The following DENND4C variants were observed in gnomAD, a reference collection of about 807,000 sequenced individuals.
DENND4C encodes the protein DENN domain-containing protein 4C.
In DENND4C, 108 loss-of-function variants were observed where a neutral mutation model predicts 203.0. That is an observed-to-expected ratio of 0.53 (90% CI 0.46 to 0.62). The LOEUF (loss-of-function observed/expected upper bound fraction) is 0.62. DENND4C is among the 20% of genes least tolerant of loss of function. The pLI is 0.00. For synonymous variants in DENND4C, 871 were observed against 792.4 expected, an observed-to-expected ratio of 1.10 and a Z score of -1.67; for missense variants, 2,481 against 2,301.2, an observed-to-expected ratio of 1.08 and a Z score of -1.60.
intron 31 of DENND4C, among the ~76,000 whole-genome samples, chr9:19,370,455 A>AG (rs1491155663): frequency 6.9e-6 from 1 of 144,494 alleles, no homozygotes; most frequent in African/African-American, 2.5e-5. Context: ...ACCCTGTCTC[A>AG]AAAAAAAAAA....
At chr9:19,278,131 T>C (rs907866529) in intron 2 of DENND4C, among the ~76,000 whole-genome samples, 14 of 150,372 alleles carry the variant, frequency 9.3e-5, no homozygotes, top group African/African-American at 3.4e-4. Flanking sequence ...GTTGTTGTGG[T>C]TGTTTTTTGT....
At chr9:19,321,016 C>T (rs1313893672) in intron 12 of DENND4C, among the ~76,000 whole-genome samples, 2 of 152,206 alleles carry the variant, frequency 1.3e-5, no homozygotes, top group African/African-American at 4.8e-5. Context: ...GTGGCATTAA[C>T]CAGGTTATGC....
intron 2 of DENND4C, among the ~76,000 whole-genome samples, chr9:19,277,440 T>C (rs965045516): frequency 1.3e-5 from 2 of 152,202 alleles, no homozygotes; most frequent in Non-Finnish European, 2.9e-5. Flanking sequence ...CTATTATAAA[T>C]AGTGTTGTTT....
At chr9:19,278,785 A>G (rs1050483940) in intron 2 of DENND4C, among the ~76,000 whole-genome samples, 1 of 152,126 alleles carries the variant, frequency 6.6e-6, no homozygotes, top group Non-Finnish European at 1.5e-5. Context: ...TCAGCTTTAT[A>G]GGGTCATTGA....
intron 4 of DENND4C, among the ~76,000 whole-genome samples, chr9:19,290,056 G>C (rs1338736250): frequency 6.6e-6 from 1 of 152,130 alleles, no homozygotes; most frequent in African/African-American, 2.4e-5. Context: ...TACTGATTTT[G>C]AAGTTTTTCA....
chr9:19,309,325 G>C (rs1321077829), intron 10 of DENND4C, among the ~76,000 whole-genome samples: 3 of 151,892 alleles, frequency 2.0e-5, no homozygotes, highest in Non-Finnish European at 4.4e-5. Context: ...GGGAGGCTGA[G>C]GCAGGAGAAT....
At chr9:19,271,196 G>GACCCCAGCCTGGGCGACAGAGCGA (rs1831575750) in intron 1 of DENND4C, among the ~76,000 whole-genome samples, 2 of 148,138 alleles carry the variant, frequency 1.4e-5, no homozygotes, top group Admixed American at 1.4e-4. Context: ...AAATTAATAT[G>GACCCCAGCCTGGGCGACAGAGCGA]GATTCTTTTT....
chr9:19,263,252 A>G (rs915070041), intron 1 of DENND4C, among the ~76,000 whole-genome samples: 6 of 152,216 alleles, frequency 3.9e-5, no homozygotes, highest in South Asian at 4.2e-4. Flanking sequence ...CGATTTGTTT[A>G]TTTGGAACTA....
chr9:19,273,279 T>C (rs994636528), intron 1 of DENND4C, among the ~76,000 whole-genome samples: 5 of 151,752 alleles, frequency 3.3e-5, no homozygotes, highest in Non-Finnish European at 1.5e-5. Context: ...AGAGATGGGG[T>C]TTCACCATGT....
Position 19,300,208 on chromosome 9 carries a change from GCTAATGAAT to G in DENND4C, c.1191_1199del (p.Met398_Leu400del). ...CTAGTGGAGCCAACTTTAGCACCTT[GCTAATGAAT>G]CTGGGTCCTGAGAATTGTGCAACAC... On this transcript the variant is annotated inframe_deletion, in exon 9 of 33. Transcript: ENST00000434457. 2 of 1,609,078 alleles carry G rather than the reference GCTAATGAAT, an allele frequency of 1.2e-6. No homozygotes were observed. The highest frequency in any genetic ancestry group is 1.7e-6 in the Non-Finnish European group (2 of 1,176,506).
At chr9:19,231,750 C>A (rs1372616677) in intron 1 of DENND4C, among the ~76,000 whole-genome samples, 1 of 151,798 alleles carries the variant, frequency 6.6e-6, no homozygotes, top group Admixed American at 6.6e-5. Flanking sequence ...AGTAGTGAAC[C>A]CTCAGCTGTC....
Position 19,360,504 on chromosome 9 carries a change from T to A in DENND4C, c.5406+15T>A. 6.2e-7 allele frequency: 1 copy of A among 1,613,930 alleles called. No homozygotes were observed. The highest frequency in any genetic ancestry group is 8.5e-7 in the Non-Finnish European group (1 of 1,179,970). On this transcript the variant is annotated intron_variant, in intron 29 of 32. Coordinates refer to ENST00000434457, the MANE Select transcript of DENND4C (RefSeq NM_001330640.2). ...AAGGTGTACAGGTAGGGTGCCAACT[T>A]TTATACTTACATTAGTATTCAGTAG...
intron 8 of DENND4C, 49 bp from the exon 9 acceptor site, chr9:19,300,138 T>G (rs779598197): frequency 6.6e-7 from 1 of 1,513,272 alleles, no homozygotes; most frequent in Non-Finnish European, 9.0e-7. Context: ...CTTAACATAT[T>G]TCAGCAAAAT....
chr9:19,332,197 A>C lies in DENND4C; in HGVS notation c.2460+13A>C, dbSNP rs1381502183. ...TCCCTTAGATGAGGCAAGTATAACAAATTGACATTGTTTCTAAGGTAAATT... is the reference window on the plus strand; with the variant it reads ...TCCCTTAGATGAGGCAAGTATAACACATTGACATTGTTTCTAAGGTAAATT... On this transcript the variant is annotated intron_variant, in intron 17 of 32. Transcript: ENST00000434457. 20 of 1,609,516 alleles carry C rather than the reference A, an allele frequency of 1.2e-5. No homozygotes were observed. Among genetic ancestry groups the C allele is most frequent in the Admixed American group, 6.7e-5 (4 of 59,718 alleles).
intron 12 of DENND4C, among the ~76,000 whole-genome samples, chr9:19,318,471 C>T (rs1204515342): frequency 1.3e-5 from 2 of 152,140 alleles, no homozygotes; most frequent in African/African-American, 2.4e-5. Context: ...TTCATGATAA[C>T]AGCTATTATC....
rs769633781 is a variant in DENND4C at position 19,358,020 on chromosome 9, C to T, written c.5020C>T (p.Pro1674Ser). The T allele has an allele frequency of 4.3e-6, 7 of 1,613,440 alleles. No individual in the cohort carries two copies. The highest frequency in any genetic ancestry group is 1.3e-5 in the African/African-American group (1 of 74,860). ...CCAAACTATGAAAATTTCATCTGTGCCTAATAGTTTATCAAAGCGAAATGT... is the reference window on the plus strand; with the variant it reads ...CCAAACTATGAAAATTTCATCTGTGTCTAATAGTTTATCAAAGCGAAATGT... ...DVQTMKISSVPNSLSKRNVSL... is the reference protein window; with the variant it reads ...DVQTMKISSVSNSLSKRNVSL... The change falls in exon 28 of 33, where the codon CCT (proline) becomes TCT (serine). Residue 1674 changes from proline to serine, a missense_variant. Physicochemically the swap from Pro to Ser is moderately conservative, Grantham distance 74. Coordinates refer to ENST00000434457, the MANE Select transcript of DENND4C (RefSeq NM_001330640.2). The surrounding 1 kb of genome is among the most constrained non-coding windows in gnomAD (Gnocchi z 4.8).
Position 19,305,345 on chromosome 9 carries a change from T to TC in DENND4C, c.1312-3dup. 1.3e-6 allele frequency: 2 copies of TC among 1,574,696 alleles called. No individual in the cohort carries two copies. Among genetic ancestry groups the TC allele is most frequent in the Non-Finnish European group, 1.7e-6 (2 of 1,161,838 alleles). On this transcript the variant is annotated splice_region_variant and splice_polypyrimidine_tract_variant and intron_variant, in intron 9 of 32. Coordinates refer to ENST00000434457, the MANE Select transcript of DENND4C (RefSeq NM_001330640.2). ...ATTTGGTTAATTTTTTAAAACTTTT[T>TC]CCCCAGATGATCTTTCCATTTCAGT...
At chr9:19,278,492 C>G (rs183829105) in intron 2 of DENND4C, among the ~76,000 whole-genome samples, 2 of 152,194 alleles carry the variant, frequency 1.3e-5, no homozygotes, top group African/African-American at 2.4e-5. Flanking sequence ...CCACTTGTTA[C>G]GCTCATCACC....
intron 16 of DENND4C, among the ~76,000 whole-genome samples, chr9:19,328,653 G>GTCTC (rs773607935): frequency 1.2e-5 from 1 of 84,414 alleles, no homozygotes; most frequent in African/African-American, 4.0e-5. Flanking sequence ...CTGTCTGTCT[G>GTCTC]TCTGTCTATC....
Sources: allele counts gnomAD v4.1 joint callset (sites outside exome capture counted in the v4.1 genomes callset), GRCh38; gene constraint gnomAD v4.1.1; non-coding constraint Gnocchi (gnomAD v3.1); transcripts MANE v1.5; gene names NCBI Gene and HGNC (gene_info 2026-07-23, HGNC 2026-07-21).